Variants in PIP5K1B observed in about 807,000 individuals in gnomAD.
The protein encoded by PIP5K1B is phosphatidylinositol 4-phosphate 5-kinase type-1 beta.
In PIP5K1B, 42 loss-of-function variants were observed where a neutral mutation model predicts 67.0. The observed-to-expected ratio is 0.63, with a 90% CI of 0.49 to 0.81. PIP5K1B has a LOEUF of 0.81. Among genes scored for constraint, PIP5K1B ranks in the 30% least tolerant of loss-of-function variants. The pLI, the probability that PIP5K1B is intolerant of heterozygous loss-of-function variation, is 0.00. For synonymous variants in PIP5K1B, 214 were observed against 231.4 expected (o/e 0.92, Z 0.68); for missense variants, 459 against 646.3 (o/e 0.71, Z 3.14).
chr9:68,723,131 G>A lies in PIP5K1B; in HGVS notation c.-243+17369G>A, dbSNP rs576419161. 2.7e-4 allele frequency among the ~76,000 whole-genome samples: 41 copies of A among 151,832 alleles called. 1 individual carries two copies. In the South Asian group the frequency reaches 7.5e-3, roughly 28 times the overall value. Reference sequence around the variant, plus strand: ...ATGTTGCTACAAATGACAGGATCTCGTTCTTTTCTGTAGCTGAATAATATT... The same window carrying A: ...ATGTTGCTACAAATGACAGGATCTCATTCTTTTCTGTAGCTGAATAATATT... On this transcript the variant is annotated intron_variant, in intron 1 of 15. Coordinates refer to ENST00000265382, the MANE Select transcript of PIP5K1B (RefSeq NM_003558.4).
At chr9:68,791,340 A>T (rs536155312) in intron 2 of PIP5K1B, among the ~76,000 whole-genome samples, 1 of 152,332 alleles carries the variant, frequency 6.6e-6, no homozygotes, top group African/African-American at 2.4e-5. Flanking sequence ...GAAGGAAAAT[A>T]TGAGATATTT....
At chr9:68,873,069 A>G (rs1214843872) in intron 5 of PIP5K1B, among the ~76,000 whole-genome samples, 3 of 151,994 alleles carry the variant, frequency 2.0e-5, no homozygotes, top group Non-Finnish European at 4.4e-5. Context: ...AAAAGTCTCA[A>G]TTTACATTCC....
chr9:68,833,528 A>T (rs1461578830), intron 4 of PIP5K1B, among the ~76,000 whole-genome samples: 2 of 152,200 alleles, frequency 1.3e-5, no homozygotes, highest in Non-Finnish European at 2.9e-5. Context: ...AACTGAGGGG[A>T]GTAGGTGCTA....
rs572916359 is a variant in PIP5K1B at position 68,812,071 on chromosome 9, G to T, written c.-85-6390G>T. On this transcript the variant is annotated intron_variant, in intron 2 of 15. Transcript: ENST00000265382. ...GAGGTGCGTGGGGTGGGAATGGATG[G>T]TTGCTAGGTTCATTCACCAACTAAG... Among the ~76,000 whole-genome samples the T allele has an allele frequency of 2.0e-5, 3 of 152,322 alleles. No individual in the cohort carries two copies. The South Asian group carries it at 6.2e-4, about 32-fold the overall frequency.
intron 4 of PIP5K1B, among the ~76,000 whole-genome samples, chr9:68,855,584 G>A (rs533356244): frequency 6.6e-6 from 1 of 152,276 alleles, no homozygotes; most frequent in East Asian, 1.9e-4. Context: ...AAAATGCCAG[G>A]AGGCATTGCT....
chr9:68,853,960 T>A (rs1186870374), intron 4 of PIP5K1B, among the ~76,000 whole-genome samples: 1 of 152,106 alleles, frequency 6.6e-6, no homozygotes. Flanking sequence ...CTCCCACTGC[T>A]GGAGGCCGGC....
intron 2 of PIP5K1B, among the ~76,000 whole-genome samples, chr9:68,806,942 G>GT (rs10550941): frequency 0.013 from 1,748 of 130,402 alleles, 26 homozygotes; most frequent in African/African-American, 0.038. Flanking sequence ...TTTGGCCTTG[G>GT]TTTTTTTTTT....
chr9:68,950,236 A>G (rs1419730651), intron 14 of PIP5K1B, among the ~76,000 whole-genome samples: 3 of 152,106 alleles, frequency 2.0e-5, no homozygotes, highest in African/African-American at 4.8e-5. Context: ...ATTCTCTTTC[A>G]GATTCCTTGG....
In PIP5K1B at chr9:68,705,678, G is replaced by A. The variant is rs1451508782; in HGVS notation, c.-327G>A. On this transcript the variant is annotated 5_prime_UTR_variant, in exon 1 of 16. Coordinates refer to ENST00000265382, the MANE Select transcript of PIP5K1B (RefSeq NM_003558.4). ...GCCTGCACTGCTCTCCCTTCGCTGT[G>A]GGGAAGCGACAACGTCCCGATAACT... is the stretch of plus-strand genomic sequence containing the variant. The A allele has an allele frequency of 2.0e-5, 3 of 147,538 alleles. No homozygotes were observed. Among genetic ancestry groups the A allele is most frequent in the Non-Finnish European group, 3.0e-5 (2 of 66,838 alleles). The allele number at this position is 147,538 out of a possible 1,614,324, so 9.1% of individuals were successfully genotyped here.
At chr9:68,887,523 G>C (rs1271191503) in intron 6 of PIP5K1B, among the ~76,000 whole-genome samples, 1 of 152,168 alleles carries the variant, frequency 6.6e-6, no homozygotes, top group African/African-American at 2.4e-5. Context: ...AAGAACCATT[G>C]ATTTTTAGAT....
At chr9:68,706,848 G>A (rs1827148896) in intron 1 of PIP5K1B, among the ~76,000 whole-genome samples, 3 of 151,928 alleles carry the variant, frequency 2.0e-5, no homozygotes, top group Admixed American at 2.0e-4. Flanking sequence ...TTCAGCCAGA[G>A]ACTTCTCCCC....
At chr9:68,838,788 T>C (rs80340859) in intron 4 of PIP5K1B, among the ~76,000 whole-genome samples, 2 of 152,190 alleles carry the variant, frequency 1.3e-5, no homozygotes, top group African/African-American at 4.8e-5. Flanking sequence ...ACTAAAATCT[T>C]TATTGAATAT....
chr9:68,923,859 G>T (rs1826535917), intron 12 of PIP5K1B, among the ~76,000 whole-genome samples: 1 of 152,114 alleles, frequency 6.6e-6, no homozygotes, highest in African/African-American at 2.4e-5. Flanking sequence ...CATTTTAAAT[G>T]ACTGAAATCA....
intron 2 of PIP5K1B, among the ~76,000 whole-genome samples, chr9:68,769,505 TA>T (rs1312549020): frequency 1.2e-4 from 18 of 152,334 alleles, no homozygotes; most frequent in African/African-American, 4.1e-4. Flanking sequence ...GGGTTAAACA[TA>T]AGCAGCACAC....
intron 4 of PIP5K1B, among the ~76,000 whole-genome samples, chr9:68,853,011 G>A (rs1315129237): frequency 6.6e-6 from 1 of 152,200 alleles, no homozygotes; most frequent in Non-Finnish European, 1.5e-5. Flanking sequence ...GCCAAGCAAA[G>A]AATTTGGATT....
intron 1 of PIP5K1B, among the ~76,000 whole-genome samples, chr9:68,706,760 CA>C (rs1827144686): frequency 6.6e-6 from 1 of 152,104 alleles, no homozygotes; most frequent in South Asian, 2.1e-4. Flanking sequence ...TAATCTCGTG[CA>C]AGGAAGAAGC....
chr9:68,934,397 G>C (rs2132604348), intron 12 of PIP5K1B, among the ~76,000 whole-genome samples: 1 of 152,288 alleles, frequency 6.6e-6, no homozygotes, highest in South Asian at 2.1e-4. Context: ...GAAGTAACTT[G>C]GCTAAATTGG....
At chr9:68,878,880 A>G (rs1467469087) in intron 6 of PIP5K1B, among the ~76,000 whole-genome samples, 1 of 152,188 alleles carries the variant, frequency 6.6e-6, no homozygotes, top group Non-Finnish European at 1.5e-5. Flanking sequence ...AAAAGGTAGA[A>G]AAGAGATGGA....
intron 1 of PIP5K1B, among the ~76,000 whole-genome samples, chr9:68,735,544 A>G (rs1332396258): frequency 3.3e-5 from 5 of 151,236 alleles, no homozygotes; most frequent in Non-Finnish European, 7.4e-5. Context: ...ATGTGCTACC[A>G]CGCCCAGCTA....
Sources: gnomAD v4.1 joint callset for allele counts (sites outside exome capture counted in the v4.1 genomes callset) on GRCh38, gnomAD v4.1.1 for gene constraint, MANE v1.5 for transcripts, NCBI Gene and HGNC (gene_info 2026-07-23, HGNC 2026-07-21) for gene names.